The following SSBP3 variants were observed in gnomAD, a reference collection of about 807,000 sequenced individuals.
SSBP3 encodes the protein single stranded DNA binding protein 3.
In SSBP3, 5 loss-of-function variants were observed where a neutral mutation model predicts 69.6. The ratio of observed to expected loss-of-function variants is 0.07; its 90% CI spans 0.04 to 0.15. SSBP3 has a LOEUF of 0.15. Ranked by LOEUF, SSBP3 falls within the 10% of genes least tolerant of loss-of-function variation. SSBP3 has a pLI of 1.00. For synonymous variants in SSBP3, 196 were observed against 193.4 expected, an observed-to-expected ratio of 1.01 and a Z score of -0.11; for missense variants, 312 against 534.0, an observed-to-expected ratio of 0.58 and a Z score of 4.10.
At chr1:54,320,720 A>C (rs1646196697) in intron 4 of SSBP3, among the ~76,000 whole-genome samples, 1 of 152,198 alleles carries the variant, frequency 6.6e-6, no homozygotes, top group African/African-American at 2.4e-5. Context: ...GGGGGCAGAC[A>C]CAGAGGCACA....
intron 5 of SSBP3, among the ~76,000 whole-genome samples, chr1:54,271,345 C>T (rs746901490): frequency 1.3e-5 from 2 of 152,164 alleles, no homozygotes; most frequent in Non-Finnish European, 2.9e-5. Context: ...TGGCTGCAAG[C>T]GATCCTCCTG....
chr1:54,312,754 C>CCAGGCCT (rs1465021966), intron 4 of SSBP3, among the ~76,000 whole-genome samples: 2 of 152,194 alleles, frequency 1.3e-5, no homozygotes, highest in Non-Finnish European at 2.9e-5. Flanking sequence ...CAGGGGGCTA[C>CCAGGCCT]CAGGCCTCAC....
At chr1:54,367,181 T>G (rs1218250867) in intron 4 of SSBP3, among the ~76,000 whole-genome samples, 1 of 152,212 alleles carries the variant, frequency 6.6e-6, no homozygotes, top group Non-Finnish European at 1.5e-5. Flanking sequence ...GCCAGTTCTT[T>G]TCCAAAATGA....
At chr1:54,394,683 T>TC (rs924586293) in intron 4 of SSBP3, among the ~76,000 whole-genome samples, 11 of 146,126 alleles carry the variant, frequency 7.5e-5, no homozygotes, top group Admixed American at 7.5e-4. Flanking sequence ...GCTCACTGTC[T>TC]CCTTAAGACT....
chr1:54,364,903 G>C (rs761233027), intron 4 of SSBP3, among the ~76,000 whole-genome samples: 3 of 152,252 alleles, frequency 2.0e-5, no homozygotes, highest in Non-Finnish European at 1.5e-5. Context: ...CCAAACTAGC[G>C]GGGTTTGTGC....
chr1:54,318,388 T>C (rs1251890289), intron 4 of SSBP3, among the ~76,000 whole-genome samples: 2 of 152,194 alleles, frequency 1.3e-5, no homozygotes, highest in African/African-American at 4.8e-5. Flanking sequence ...CAACCAGCCA[T>C]CTGGGGCTCA....
chr1:54,276,063 G>A (rs1645278025), intron 5 of SSBP3, among the ~76,000 whole-genome samples: 1 of 152,192 alleles, frequency 6.6e-6, no homozygotes, highest in Non-Finnish European at 1.5e-5. Flanking sequence ...TCTAAGGCTG[G>A]TGGGCCTGGC....
At chr1:54,363,670 TC>T (rs1056285077) in intron 4 of SSBP3, among the ~76,000 whole-genome samples, 63 of 151,726 alleles carry the variant, frequency 4.2e-4, no homozygotes, top group African/African-American at 1.5e-3. Context: ...AAAATAAAAG[TC>T]CCCCAAAAAC....
At chr1:54,238,250 C>T (rs1284395214) in intron 14 of SSBP3, 1 of 471,090 alleles carries the variant, frequency 2.1e-6, no homozygotes, top group South Asian at 1.5e-5. Context: ...GGAACGGAGC[C>T]AACAAAACCA....
At chr1:54,277,720 C>T (rs1331888893) in intron 5 of SSBP3, among the ~76,000 whole-genome samples, 1 of 152,230 alleles carries the variant, frequency 6.6e-6, no homozygotes, top group African/African-American at 2.4e-5. Flanking sequence ...TTCTCTATGA[C>T]CCCTGCCCTC....
At chr1:54,309,289 C>A (rs1021250034) in intron 4 of SSBP3, among the ~76,000 whole-genome samples, 3 of 152,182 alleles carry the variant, frequency 2.0e-5, no homozygotes, top group Non-Finnish European at 2.9e-5. Context: ...GAGCCACCCC[C>A]AAAAAACACA....
chr1:54,362,009 A>T (rs182950157), intron 4 of SSBP3, among the ~76,000 whole-genome samples: 37 of 152,318 alleles, frequency 2.4e-4, no homozygotes, highest in Admixed American at 7.2e-4. Flanking sequence ...AGAGGTATTA[A>T]AGACCTGGCA....
At chr1:54,379,925 C>T (rs1190153954) in intron 4 of SSBP3, among the ~76,000 whole-genome samples, 3 of 152,236 alleles carry the variant, frequency 2.0e-5, no homozygotes, top group Admixed American at 6.5e-5. Context: ...CTGTGCCTCA[C>T]ACTGGGAGCG....
At chr1:54,249,463 G>A (rs181955680) in intron 9 of SSBP3, among the ~76,000 whole-genome samples, 73 of 152,224 alleles carry the variant, frequency 4.8e-4, no homozygotes, top group Admixed American at 1.4e-3. Context: ...GGGAGGCTGA[G>A]GTCGGGGGAT....
chr1:54,313,435 CTTTTTTTTTTTTT>C (rs752753963), intron 4 of SSBP3, among the ~76,000 whole-genome samples: 9 of 86,412 alleles, frequency 1.0e-4, no homozygotes, highest in East Asian at 3.3e-4. Context: ...TGTGCCTGTG[CTTTTTTTTTTTTT>C]TTTTTTTTTT....
chr1:54,398,777 T>C (rs551017636), intron 4 of SSBP3, among the ~76,000 whole-genome samples: 1 of 152,168 alleles, frequency 6.6e-6, no homozygotes, highest in African/African-American at 2.4e-5. Context: ...TGCAAACCAA[T>C]TTATCAGAAA....
At chr1:54,324,363 C>T (rs1646265109) in intron 4 of SSBP3, among the ~76,000 whole-genome samples, 1 of 152,228 alleles carries the variant, frequency 6.6e-6, no homozygotes, top group South Asian at 2.1e-4. Context: ...TGAGGCTCGG[C>T]TTCTGTGCCA....
At chr1:54,274,649 C>T (rs1645252876) in intron 5 of SSBP3, among the ~76,000 whole-genome samples, 1 of 152,176 alleles carries the variant, frequency 6.6e-6, no homozygotes. Flanking sequence ...ACCCAGCCGC[C>T]ACTCCTGCTC....
intron 3 of SSBP3, among the ~76,000 whole-genome samples, chr1:54,404,107 C>G (rs1259073366): frequency 6.6e-6 from 1 of 152,146 alleles, no homozygotes; most frequent in African/African-American, 2.4e-5. Context: ...CTTTCTTGCT[C>G]TTTCTCAGGG....
Sources: allele counts gnomAD v4.1 joint callset (sites outside exome capture counted in the v4.1 genomes callset), GRCh38; gene constraint gnomAD v4.1.1; transcripts MANE v1.5; gene names NCBI Gene and HGNC (gene_info 2026-07-23, HGNC 2026-07-21).